Variants in DAPK1 observed in about 807,000 individuals in gnomAD.
DAPK1 encodes death-associated protein kinase 1.
In DAPK1, 56 loss-of-function variants were observed where a neutral mutation model predicts 144.9. That is an observed-to-expected ratio of 0.39 (90% CI 0.31 to 0.48). The LOEUF is 0.48. DAPK1 is among the 20% of genes least tolerant of loss of function. The probability of loss-of-function intolerance (pLI) is 0.95; values close to 1 mark genes in which losing one functional copy is unlikely to be tolerated. For synonymous variants in DAPK1, 690 were observed against 749.0 expected (o/e 0.92, Z 1.29); for missense variants, 1,454 against 1,875.4 (o/e 0.78, Z 4.15).
Position 87,540,411 on chromosome 9 carries a change from G to A in DAPK1, c.62+41272G>A, listed in dbSNP as rs377761370. On this transcript the variant is annotated intron_variant, in intron 2 of 25. Coordinates refer to ENST00000408954, the MANE Select transcript of DAPK1 (RefSeq NM_004938.4). ...TTGCCATGTTGGCCAGGCTGGTCTCGAACTCCCAACCTCAGGTAATCCTCT... is the reference window on the plus strand; with the variant it reads ...TTGCCATGTTGGCCAGGCTGGTCTCAAACTCCCAACCTCAGGTAATCCTCT... 3.2e-3 allele frequency among the ~76,000 whole-genome samples: 482 copies of A among 152,072 alleles called. 2 individuals are homozygous for A. The highest frequency in any genetic ancestry group is 0.011 in the African/African-American group (446 of 41,490).
chr9:87,530,791 G>T (rs920879631), intron 2 of DAPK1, among the ~76,000 whole-genome samples: 1 of 152,100 alleles, frequency 6.6e-6, no homozygotes, highest in Non-Finnish European at 1.5e-5. Context: ...CCTTCTTGTC[G>T]CAGGTGGGAA....
At chr9:87,575,208 C>T (rs1237132921) in intron 2 of DAPK1, among the ~76,000 whole-genome samples, 1 of 115,484 alleles carries the variant, frequency 8.7e-6, no homozygotes, top group East Asian at 2.1e-4. Context: ...CAACAGACTC[C>T]ATCTCAATAA....
intron 13 of DAPK1, 147 bp downstream of exon 13, chr9:87,646,706 G>A (rs1056434133): frequency 1.6e-6 from 1 of 628,328 alleles, no homozygotes. Context: ...AAACAGCTTG[G>A]TACAGCCTGA....
intron 18 of DAPK1, among the ~76,000 whole-genome samples, chr9:87,662,803 G>C (rs536659549): frequency 6.6e-6 from 1 of 151,712 alleles, no homozygotes; most frequent in Non-Finnish European, 1.5e-5. Context: ...TTTCCAATTT[G>C]GATGCCTCTA....
At chr9:87,583,413 G>C (rs907092499) in intron 2 of DAPK1, among the ~76,000 whole-genome samples, 1 of 152,160 alleles carries the variant, frequency 6.6e-6, no homozygotes, top group Non-Finnish European at 1.5e-5. Context: ...CCTCAAATGC[G>C]TACAGCAAAT....
intron 2 of DAPK1, among the ~76,000 whole-genome samples, chr9:87,552,753 C>T (rs531005712): frequency 7.9e-6 from 1 of 126,388 alleles, no homozygotes; most frequent in Non-Finnish European, 1.7e-5. Flanking sequence ...CACTGTACCC[C>T]GTTAATTTTT....
chr9:87,697,960 AAGAG>A (rs1330200239), intron 22 of DAPK1, among the ~76,000 whole-genome samples: 4 of 152,354 alleles, frequency 2.6e-5, no homozygotes, highest in Admixed American at 2.0e-4. Context: ...CTCAAAAAAA[AAGAG>A]AGAGAAATGA....
chr9:87,598,229 G>A lies in DAPK1; in HGVS notation c.63-6725G>A, dbSNP rs149636134. Among the ~76,000 whole-genome samples the A allele has an allele frequency of 7.9e-3, 1,198 of 152,188 alleles. 11 individuals carry two copies. The highest frequency in any genetic ancestry group is 0.02 in the Middle Eastern group (6 of 294). ...TCACCCATAAACCACCACTAAAACC[G>A]AGCCAGGGATTTGATAACGAGTTCA... On this transcript the variant is annotated intron_variant, in intron 2 of 25. Coordinates refer to ENST00000408954, the MANE Select transcript of DAPK1 (RefSeq NM_004938.4).
At chr9:87,582,372 G>A (rs1445058930) in intron 2 of DAPK1, among the ~76,000 whole-genome samples, 1 of 152,158 alleles carries the variant, frequency 6.6e-6, no homozygotes, top group Non-Finnish European at 1.5e-5. Flanking sequence ...TTGGAGCTTA[G>A]TAATGGTTGA....
intron 2 of DAPK1, among the ~76,000 whole-genome samples, chr9:87,540,075 T>A (rs1435601642): frequency 6.6e-6 from 1 of 152,090 alleles, no homozygotes. Flanking sequence ...TGCGAAGATA[T>A]GTGGTAGAAG....
At chr9:87,634,700 G>A (rs1475776460) in intron 3 of DAPK1, among the ~76,000 whole-genome samples, 1 of 152,188 alleles carries the variant, frequency 6.6e-6, no homozygotes, top group African/African-American at 2.4e-5. Context: ...CAGGCCAGGT[G>A]GCTGCTCGGC....
chr9:87,544,027 G>A (rs1218931640), intron 2 of DAPK1, among the ~76,000 whole-genome samples: 1 of 152,074 alleles, frequency 6.6e-6, no homozygotes, highest in African/African-American at 2.4e-5. Flanking sequence ...TTCAGTTAAC[G>A]TTTCAGAAGA....
intron 2 of DAPK1, among the ~76,000 whole-genome samples, chr9:87,553,229 TTG>T (rs1420089672): frequency 1.3e-5 from 2 of 149,788 alleles, no homozygotes; most frequent in African/African-American, 4.9e-5. Context: ...TTTCCTTGAC[TTG>T]TGTCTGTCAT....
intron 2 of DAPK1, among the ~76,000 whole-genome samples, chr9:87,582,134 C>CT (rs145183230): frequency 1.2e-4 from 18 of 150,188 alleles, no homozygotes; most frequent in African/African-American, 2.4e-4. Context: ...CTCCTCCGGT[C>CT]TTTTTTTTTA....
Position 87,641,957 on chromosome 9 carries a change from TTTTTA to T in DAPK1, c.829-6_829-2del. On this transcript the variant is annotated splice_region_variant and splice_polypyrimidine_tract_variant and intron_variant, in intron 9 of 25. Transcript: ENST00000408954. The stretch of plus-strand genomic sequence containing the variant: ...GAGAGCTTTAATTTTTTTTCTTGGA[TTTTTA>T]TTTTAGCCTAAAGATACACAACAGG... The T allele has an allele frequency of 6.3e-7, 1 of 1,592,340 alleles. No individual in the cohort carries two copies. The highest frequency in any genetic ancestry group is 8.5e-7 in the Non-Finnish European group (1 of 1,170,908).
rs36213055 is a variant in DAPK1, at chr9:87,646,412, C to A, written c.1132-49C>A. 4,716 of 1,414,118 alleles carry A rather than the reference C, an allele frequency of 3.3e-3. 116 individuals carry two copies. The African/African-American group carries it at 0.055, about 17-fold the overall frequency. 87.6% of individuals were successfully genotyped at this position (1,414,118 alleles called of 1,614,324 possible). ...ACAGCAATCATCGTTTGGGCTTTTC[C>A]TTTCCTACCAAACCTGAAAATTAGT... On this transcript the variant is annotated intron_variant, in intron 12 of 25. Transcript: ENST00000408954.
chr9:87,644,404 T>A (rs1177154557), intron 11 of DAPK1, among the ~76,000 whole-genome samples: 1 of 151,992 alleles, frequency 6.6e-6, no homozygotes, highest in Admixed American at 6.5e-5. Flanking sequence ...AACTGAATAG[T>A]CAGCATTTTC....
At chr9:87,572,581 T>G (rs1447655495) in intron 2 of DAPK1, among the ~76,000 whole-genome samples, 1 of 152,116 alleles carries the variant, frequency 6.6e-6, no homozygotes, top group African/African-American at 2.4e-5. Flanking sequence ...GAGTGAGTTT[T>G]GGTGAGACCT....
intron 2 of DAPK1, among the ~76,000 whole-genome samples, chr9:87,574,976 GGGAGGCTGA>G (rs1827487661): frequency 6.6e-6 from 1 of 151,794 alleles, no homozygotes; most frequent in Non-Finnish European, 1.5e-5. Flanking sequence ...CCAGCACTTT[GGGAGGCTGA>G]GGCAGGTGGA....
Sources: allele counts gnomAD v4.1 joint callset (sites outside exome capture counted in the v4.1 genomes callset), GRCh38; gene constraint gnomAD v4.1.1; transcripts MANE v1.5; gene names NCBI Gene and HGNC (gene_info 2026-07-23, HGNC 2026-07-21).